SLC35F2: variants seen among roughly 807,000 people sequenced by gnomAD.
SLC35F2 encodes the protein queuine/queuosine transporter SLC35F2.
In SLC35F2, 25 loss-of-function variants were observed where a neutral mutation model predicts 38.1. The observed-to-expected ratio is 0.66, with a 90% CI of 0.48 to 0.92. The LOEUF (loss-of-function observed/expected upper bound fraction) is 0.92. SLC35F2 is among the 40% of genes least tolerant of loss of function. The pLI is 0.00. For synonymous variants in SLC35F2, 173 were observed against 181.7 expected (o/e 0.95, Z 0.38); for missense variants, 409 against 452.9 (o/e 0.90, Z 0.88).
intron 4 of SLC35F2, chr11:107,806,480 A>C (rs912487044): frequency 1.0e-4 from 47 of 461,874 alleles, no homozygotes; most frequent in Admixed American, 2.6e-4. Flanking sequence ...TATCAACTGT[A>C]ATTTTCTCTC....
At chr11:107,844,988 A>ATGT (rs1860082526) in intron 1 of SLC35F2, among the ~76,000 whole-genome samples, 1 of 151,944 alleles carries the variant, frequency 6.6e-6, no homozygotes, top group Non-Finnish European at 1.5e-5. Flanking sequence ...GAAAAAAAAA[A>ATGT]AAAAAAAGAA....
chr11:107,843,508 C>G (rs1317540569), intron 1 of SLC35F2, among the ~76,000 whole-genome samples: 1 of 150,798 alleles, frequency 6.6e-6, no homozygotes, highest in African/African-American at 2.4e-5. Flanking sequence ...CAAGATCGCA[C>G]CATTGCACTC....
At chr11:107,806,509 T>G in intron 4 of SLC35F2, 1 of 539,176 alleles carries the variant, frequency 1.9e-6, no homozygotes, top group Non-Finnish European at 3.4e-6. Context: ...AGGAGACGTT[T>G]AACTCACTTG....
intron 1 of SLC35F2, among the ~76,000 whole-genome samples, chr11:107,840,499 C>T (rs938344889): frequency 6.6e-6 from 1 of 152,212 alleles, no homozygotes; most frequent in Non-Finnish European, 1.5e-5. Context: ...CTAGATTTCC[C>T]TCATTGCGGA....
At chr11:107,828,177 C>T (rs989084449) in intron 1 of SLC35F2, among the ~76,000 whole-genome samples, 2 of 152,200 alleles carry the variant, frequency 1.3e-5, no homozygotes, top group Non-Finnish European at 1.5e-5. Context: ...TGGCTCAGGC[C>T]TGTAATCCCA....
At chr11:107,794,087 T>G (rs1327092841) in intron 7 of SLC35F2, among the ~76,000 whole-genome samples, 1 of 150,928 alleles carries the variant, frequency 6.6e-6, no homozygotes. Context: ...TTTTTTCTTT[T>G]TTTTTTTTTT....
chr11:107,809,300 A>G (rs1184653224), intron 3 of SLC35F2, among the ~76,000 whole-genome samples: 1 of 146,612 alleles, frequency 6.8e-6, no homozygotes, highest in Non-Finnish European at 1.5e-5. Flanking sequence ...CCTGGCCAAC[A>G]TGGCAAAACC....
chr11:107,806,945 T>A lies in SLC35F2; in HGVS notation c.415-69A>T. The A allele has an allele frequency of 2.8e-6, 4 of 1,410,838 alleles. No individual in the cohort carries two copies. The South Asian group carries it at 5.1e-5, about 18-fold the overall frequency. The allele number at this position is 1,410,838 out of a possible 1,614,324, so 87.4% of individuals were successfully genotyped here. On this transcript the variant is annotated intron_variant, in intron 3 of 7. Coordinates refer to ENST00000525815, the MANE Select transcript of SLC35F2 (RefSeq NM_017515.5). Reference sequence around the variant, plus strand: ...AGCTAAAAGATGGGTAATTAAGAAATAATAGGAGTCAGTATTTATAATAGG... The same window carrying A: ...AGCTAAAAGATGGGTAATTAAGAAAAAATAGGAGTCAGTATTTATAATAGG...
chr11:107,797,970 T>A (rs951875998), intron 7 of SLC35F2, among the ~76,000 whole-genome samples: 1 of 149,004 alleles, frequency 6.7e-6, no homozygotes, highest in South Asian at 2.1e-4. Context: ...CTCTAAACTT[T>A]TTAAGTTGGT....
intron 1 of SLC35F2, among the ~76,000 whole-genome samples, chr11:107,833,411 T>C (rs1363817004): frequency 2.0e-5 from 3 of 150,120 alleles, no homozygotes; most frequent in African/African-American, 7.3e-5. Context: ...CCCAGCTACT[T>C]GGGAGGCTGA....
chr11:107,847,286 A>C (rs952708451), intron 1 of SLC35F2, among the ~76,000 whole-genome samples: 14 of 152,136 alleles, frequency 9.2e-5, no homozygotes, highest in African/African-American at 1.4e-4. Flanking sequence ...CCTGAGCTCC[A>C]GAAAGTTTCC....
chr11:107,858,601 A>G, intron 1 of SLC35F2, 57 bp downstream of exon 1: 1 of 1,235,046 alleles, frequency 8.1e-7, no homozygotes, highest in East Asian at 3.1e-5. Flanking sequence ...ACGTGCGCGC[A>G]GGGCCCGCAG....
chr11:107,792,917 CTT>C, intron 7 of SLC35F2, 117 bp from the exon 8 acceptor site: 1 of 1,317,036 alleles, frequency 7.6e-7, no homozygotes, highest in Non-Finnish European at 9.7e-7. Context: ...TTCTTTCTTT[CTT>C]TCTTTCTTTC....
Position 107,805,692 on chromosome 11 carries a change from G to GTGTT in SLC35F2, c.575-181_575-178dup, listed in dbSNP as rs1436669510. 4.1e-6 allele frequency: 4 copies of GTGTT among 982,782 alleles called. No individual in the cohort carries two copies. In the African/African-American group the frequency reaches 7.0e-5, roughly 17 times the overall value. 60.9% of individuals were successfully genotyped at this position (982,782 alleles called of 1,614,324 possible). ...TGTGTATGTGTGTGTGTGTATGTGT[G>GTGTT]TGTTTGAGACAGTCTTGCTCTGTTG... On this transcript the variant is annotated intron_variant, in intron 4 of 7. Coordinates refer to ENST00000525815, the MANE Select transcript of SLC35F2 (RefSeq NM_017515.5).
At chr11:107,820,645 AAC>A (rs1354081918) in intron 1 of SLC35F2, among the ~76,000 whole-genome samples, 1 of 152,088 alleles carries the variant, frequency 6.6e-6, no homozygotes, top group Non-Finnish European at 1.5e-5. Flanking sequence ...ATGATTTTAT[AAC>A]AGAGTTTATA....
intron 7 of SLC35F2, 105 bp from the exon 8 acceptor site, chr11:107,792,905 TTTTCTTTC>T (rs148577551): frequency 0.48 from 643,826 of 1,333,854 alleles, 158,990 homozygotes; most frequent in Non-Finnish European, 0.5. Context: ...AATCTTTTTA[TTTTCTTTC>T]TTTCTTTCTT....
chr11:107,802,967 A>G, intron 7 of SLC35F2, 34 bp downstream of exon 7: 1 of 1,561,478 alleles, frequency 6.4e-7, no homozygotes. Flanking sequence ...GATCCAAGCA[A>G]GTATTCTTAT....
chr11:107,856,893 A>G (rs1591215234), intron 1 of SLC35F2, among the ~76,000 whole-genome samples: 1 of 81,326 alleles, frequency 1.2e-5, no homozygotes, highest in Non-Finnish European at 2.4e-5. Context: ...GAAGGGAGGG[A>G]GGGAAGGAAG....
intron 7 of SLC35F2, among the ~76,000 whole-genome samples, chr11:107,797,518 T>C (rs73544947): frequency 0.093 from 14,102 of 151,836 alleles, 1,620 homozygotes; most frequent in East Asian, 0.28. Flanking sequence ...TGAGACCCTA[T>C]CGCTAAAAAG....
Sources: gnomAD v4.1 joint callset for allele counts (sites outside exome capture counted in the v4.1 genomes callset) on GRCh38, gnomAD v4.1.1 for gene constraint, MANE v1.5 for transcripts, NCBI Gene and HGNC (gene_info 2026-07-23, HGNC 2026-07-21) for gene names.